Variants in FBXL2 observed in about 807,000 individuals in gnomAD.
FBXL2 encodes the protein F-box/LRR-repeat protein 2.
In FBXL2, 38 loss-of-function variants were observed where a neutral mutation model predicts 69.2. That is an observed-to-expected ratio of 0.55 (90% CI 0.42 to 0.72). FBXL2 has a LOEUF of 0.72. FBXL2 is among the 30% of genes least tolerant of loss of function. The probability of loss-of-function intolerance (pLI) is 0.00; values close to 1 mark genes in which losing one functional copy is unlikely to be tolerated. For missense variants in FBXL2, 354 were observed against 520.3 expected, an observed-to-expected ratio of 0.68 and a Z score of 3.11; for synonymous variants, 192 against 201.3, an observed-to-expected ratio of 0.95 and a Z score of 0.39.
At chr3:33,346,701 C>T (rs1209919592) in intron 2 of FBXL2, among the ~76,000 whole-genome samples, 1 of 152,096 alleles carries the variant, frequency 6.6e-6, no homozygotes, top group African/African-American at 2.4e-5. Flanking sequence ...ATCCTTTAGT[C>T]AGACTAACCA....
chr3:33,316,051 G>A (rs1575167016), intron 2 of FBXL2, among the ~76,000 whole-genome samples: 1 of 147,152 alleles, frequency 6.8e-6, no homozygotes, highest in Non-Finnish European at 1.5e-5. Context: ...TTTGTTCTCT[G>A]TTTTGCTTAC....
At chr3:33,403,584 G>GTCTGTCTATCTATCTATCTATCTA (rs60697427) in exon 13 of FBXL2, 1 of 148,878 alleles carries the variant, frequency 6.7e-6, no homozygotes, top group African/African-American at 2.5e-5. Flanking sequence ...CTGTCTGTCT[G>GTCTGTCTATCTATCTATCTATCTA]TCTATCTATC....
downstream of FBXL2, chr3:33,392,777 C>T (rs953021442): frequency 7.4e-5 from 47 of 633,802 alleles, no homozygotes; most frequent in African/African-American, 7.2e-4. Flanking sequence ...ACACGTGCTG[C>T]ACTGCCTTGT....
intron 2 of FBXL2, among the ~76,000 whole-genome samples, chr3:33,348,200 A>G (rs2040583999): frequency 6.6e-6 from 1 of 152,096 alleles, no homozygotes; most frequent in African/African-American, 2.4e-5. Context: ...TGATTTTTGT[A>G]TATGGTGAGA....
the FBXL2 span, among the ~76,000 whole-genome samples, chr3:33,413,447 T>C: frequency 6.7e-6 from 1 of 148,442 alleles, no homozygotes; most frequent in Non-Finnish European, 1.5e-5. Flanking sequence ...CTTGGGAGGC[T>C]GAGGCAGAAG....
At chr3:33,413,546 CAAAAAA>C in the FBXL2 span, among the ~76,000 whole-genome samples, 2 of 55,418 alleles carry the variant, frequency 3.6e-5, no homozygotes, top group African/African-American at 1.4e-4. Flanking sequence ...GACTCCATCA[CAAAAAA>C]AAAAAAAAAA....
intron 2 of FBXL2, among the ~76,000 whole-genome samples, chr3:33,314,140 GATAA>G (rs912068796): frequency 5.3e-5 from 8 of 151,030 alleles, no homozygotes; most frequent in African/African-American, 1.5e-4. Context: ...ATATTTAATT[GATAA>G]ATAAAGATTG....
At chr3:33,361,151 TAGTC>T (rs1238979023) in intron 4 of FBXL2, among the ~76,000 whole-genome samples, 2 of 148,716 alleles carry the variant, frequency 1.3e-5, no homozygotes, top group African/African-American at 5.0e-5. Context: ...TTCACCATGT[TAGTC>T]AGGATGGTCT....
At chr3:33,288,450 G>A (rs1484284966) in intron 1 of FBXL2, among the ~76,000 whole-genome samples, 2 of 152,178 alleles carry the variant, frequency 1.3e-5, no homozygotes, top group African/African-American at 4.8e-5. Context: ...ATAAAGCTGG[G>A]TAGGAGAGAA....
chr3:33,360,153 C>T (rs542541474), intron 4 of FBXL2, among the ~76,000 whole-genome samples: 10 of 152,054 alleles, frequency 6.6e-5, no homozygotes, highest in Non-Finnish European at 1.0e-4. Flanking sequence ...AGTGGAAATG[C>T]ATTTTAATTT....
chr3:33,332,106 C>G (rs755011522), intron 2 of FBXL2, among the ~76,000 whole-genome samples: 3 of 151,824 alleles, frequency 2.0e-5, no homozygotes, highest in Non-Finnish European at 2.9e-5. Context: ...TTAAAAAAAC[C>G]TAGATACAAT....
downstream of FBXL2, chr3:33,390,027 G>A: frequency 2.8e-6 from 1 of 352,766 alleles, no homozygotes; most frequent in Non-Finnish European, 5.2e-6. Context: ...AGACAGCAAA[G>A]GCTGCTTCTA....
chr3:33,350,386 C>T (rs2040746060), intron 2 of FBXL2, among the ~76,000 whole-genome samples: 1 of 151,160 alleles, frequency 6.6e-6, no homozygotes, highest in African/African-American at 2.4e-5. Flanking sequence ...GAGGAACTTC[C>T]TGATTTGATA....
downstream of FBXL2, chr3:33,393,052 C>T (rs994626473): frequency 1.5e-5 from 6 of 401,520 alleles, no homozygotes; most frequent in African/African-American, 1.2e-4. Context: ...CTGCCACTAT[C>T]CCTAGAGTGC....
intron 12 of FBXL2, chr3:33,396,159 T>C: frequency 6.4e-7 from 1 of 1,564,032 alleles, no homozygotes; most frequent in Non-Finnish European, 8.8e-7. Flanking sequence ...CCTCAATACC[T>C]ACCATAGGGT....
Position 33,373,572 on chromosome 3 carries a change from T to C in FBXL2, c.456-6T>C. ...GCACATAAGTTTTTGTTTCTTGTTC[T>C]CTCAGTGAGGGCTGCCGAAACCTGG... On this transcript the variant is annotated splice_polypyrimidine_tract_variant and splice_region_variant and intron_variant, in intron 7 of 14. Transcript: ENST00000484457. 6.2e-7 allele frequency: 1 copy of C among 1,614,202 alleles called. No individual in the cohort carries two copies. The highest frequency in any genetic ancestry group is 8.5e-7 in the Non-Finnish European group (1 of 1,180,026).
At chr3:33,316,327 G>A (rs2037687076) in intron 2 of FBXL2, among the ~76,000 whole-genome samples, 2 of 152,058 alleles carry the variant, frequency 1.3e-5, no homozygotes, top group South Asian at 2.1e-4. Flanking sequence ...CCAAAGTGCC[G>A]AGATTACAGG....
chr3:33,386,523 G>A lies in FBXL2; in HGVS notation c.*915G>A, dbSNP rs2043444784. On this transcript the variant is annotated 3_prime_UTR_variant, in exon 15 of 15. Coordinates refer to ENST00000484457, the MANE Select transcript of FBXL2 (RefSeq NM_012157.5). Reference sequence around the variant, plus strand: ...CTTATTTTGAAATCTTAAAAATCAGGTTACACCATAGCTACTCAAAAGTTT... The same window carrying A: ...CTTATTTTGAAATCTTAAAAATCAGATTACACCATAGCTACTCAAAAGTTT... 6.6e-6 allele frequency: 1 copy of A among 151,526 alleles called. No individual in the cohort carries two copies. Among genetic ancestry groups the A allele is most frequent in the South Asian group, 2.1e-4 (1 of 4,784 alleles). The allele number at this position is 151,526 out of a possible 1,614,324, so 9.4% of individuals were successfully genotyped here. A position where few individuals can be genotyped will look rare whatever the true frequency, so the allele number is the denominator to read the frequency against.
chr3:33,306,495 A>G (rs905010986), intron 2 of FBXL2, among the ~76,000 whole-genome samples: 12 of 152,126 alleles, frequency 7.9e-5, no homozygotes, highest in Non-Finnish European at 1.8e-4. Flanking sequence ...GCATCCTTAG[A>G]CATTACAGCT....
Sources: allele counts gnomAD v4.1 joint callset (sites outside exome capture counted in the v4.1 genomes callset), GRCh38; gene constraint gnomAD v4.1.1; transcripts MANE v1.5; gene names NCBI Gene and HGNC (gene_info 2026-07-23, HGNC 2026-07-21).